Variants in CWC25 observed in about 807,000 individuals in gnomAD.
CWC25 encodes CWC25 spliceosome associated protein, also known as pre-mRNA-splicing factor CWC25 homolog.
Under a neutral mutation model 54.6 loss-of-function variants are expected in CWC25, and 31 were observed. That is an observed-to-expected ratio of 0.57 (90% CI 0.43 to 0.77). The LOEUF (loss-of-function observed/expected upper bound fraction) is 0.77, where lower values mean the gene tolerates loss of function less well. Among genes scored for constraint, CWC25 ranks in the 30% least tolerant of loss-of-function variants. The pLI, the probability that CWC25 is intolerant of heterozygous loss-of-function variation, is 0.00. For missense variants in CWC25, 453 were observed against 529.3 expected (o/e 0.86, Z 1.41); for synonymous variants, 151 against 187.0 (o/e 0.81, Z 1.57).
At chr17:38,805,100 T>TC (rs1911178837) in intron 8 of CWC25, among the ~76,000 whole-genome samples, 1 of 122,758 alleles carries the variant, frequency 8.1e-6, no homozygotes, top group Non-Finnish European at 1.7e-5. Flanking sequence ...AGAATGAAAC[T>TC]CCATCTCAGA....
chr17:38,803,562 G>A (rs190760166), intron 8 of CWC25, among the ~76,000 whole-genome samples: 3 of 152,056 alleles, frequency 2.0e-5, no homozygotes, highest in African/African-American at 4.8e-5. Flanking sequence ...CCGAGGAGGC[G>A]GAGGTTGCAG....
chr17:38,809,935 A>G (rs1911415650), intron 5 of CWC25, 170 bp from the exon 6 acceptor site: 1 of 588,848 alleles, frequency 1.7e-6, no homozygotes, highest in Non-Finnish European at 2.9e-6. Context: ...AAAATGCATC[A>G]GCACAATCAA....
rs186107653 is a variant in CWC25 at position 38,806,279 on chromosome 17, A to G, written c.1001+18T>C. On this transcript the variant is annotated intron_variant, in intron 8 of 9. Transcript: ENST00000614790. ...CAGGCCTGCAAAATGTGGTTAATCA[A>G]CTGGGCTCCTGACTCACCTGGTGTA... The G allele has an allele frequency of 4.4e-4, 702 of 1,596,888 alleles. 5 individuals are homozygous for G. In the East Asian group the frequency reaches 0.01, roughly 23 times the overall value.
intron 4 of CWC25, among the ~76,000 whole-genome samples, chr17:38,812,031 C>T (rs1003075055): frequency 1.3e-5 from 2 of 151,820 alleles, no homozygotes; most frequent in South Asian, 2.1e-4. Flanking sequence ...CTCCATCTCC[C>T]GGGTTCAAGC....
chr17:38,806,319 G>C lies in CWC25; in HGVS notation c.979C>G (p.Arg327Gly), dbSNP rs201865422. Residue 327 changes from arginine to glycine, a missense_variant, in exon 8 of 10, where the codon CGA becomes GGA. Around this residue, in one of 2 missense-constraint regions of CWC25, gnomAD observed 444 missense variants for 499.2 expected, o/e 0.89. Transcript: ENST00000614790. ...PSPKKEVYQR[R>G]HAPGYTRKLS... The stretch of plus-strand genomic sequence containing the variant: ...CACCTGGTGTATCCGGGAGCATGTC[G>C]CCTTTGGTAGACCTCTTTTTTAGGT... 21 of 1,612,686 alleles carry C rather than the reference G, an allele frequency of 1.3e-5. No homozygotes were observed. Among genetic ancestry groups the C allele is most frequent in the Non-Finnish European group, 1.8e-5 (21 of 1,179,400 alleles).
intron 1 of CWC25, among the ~76,000 whole-genome samples, chr17:38,824,494 C>T (rs1912060101): frequency 6.6e-6 from 1 of 151,964 alleles, no homozygotes; most frequent in African/African-American, 2.4e-5. Context: ...CGAGACCAGC[C>T]TGACCAACAT....
rs189722352 is a variant in CWC25 at position 38,823,348 on chromosome 17, C to T, written c.18+1818G>A. ...CTAATTTTTGTATTTTTAGTAGAGA[C>T]GGGGTTTCACCATCTTGGCCAAGCT... On this transcript the variant is annotated intron_variant, in intron 1 of 9. Coordinates refer to ENST00000614790, the MANE Select transcript of CWC25 (RefSeq NM_017748.5). Among the ~76,000 whole-genome samples, 164 of 151,050 alleles carry T rather than the reference C, an allele frequency of 1.1e-3. 1 individual carries two copies. Among genetic ancestry groups the T allele is most frequent in the South Asian group, 6.5e-3 (31 of 4,784 alleles).
chr17:38,803,886 A>AT (rs1467876280), intron 8 of CWC25, among the ~76,000 whole-genome samples: 1 of 151,172 alleles, frequency 6.6e-6, no homozygotes, highest in Non-Finnish European at 1.5e-5. Context: ...CAAAAAAAAA[A>AT]TTTTTTTTTA....
Position 38,814,987 on chromosome 17 carries a change from T to A in CWC25, c.302A>T (p.Glu101Val). The A allele has an allele frequency of 6.2e-7, 1 of 1,613,818 alleles. No homozygotes were observed. The highest frequency in any genetic ancestry group is 8.5e-7 in the Non-Finnish European group (1 of 1,179,878). ...PIDKYVFEKM[E>V]EKEAGCSSET... Reference sequence around the variant, plus strand: ...AGAAGAGCAGCCTGCCTCCTTCTCCTCCATCTTCTCAAAAACATATTTGTC... The same window carrying A: ...AGAAGAGCAGCCTGCCTCCTTCTCCACCATCTTCTCAAAAACATATTTGTC... The change falls in exon 3 of 10, where the codon GAG becomes GTG. Residue 101 changes from glutamate to valine, a missense_variant. Around this residue, in one of 2 missense-constraint regions of CWC25, gnomAD observed 444 missense variants for 499.2 expected, o/e 0.89. Coordinates refer to ENST00000614790, the MANE Select transcript of CWC25 (RefSeq NM_017748.5).
In CWC25 at chr17:38,815,170, G is replaced by A. The variant is rs190212066; in HGVS notation, c.192-73C>T. 1.0e-3 allele frequency: 1,369 copies of A among 1,314,144 alleles called. 2 individuals are homozygous for A. The highest frequency in any genetic ancestry group is 1.3e-3 in the Non-Finnish European group (1,248 of 935,784). 81.4% of individuals were successfully genotyped at this position (1,314,144 alleles called of 1,614,324 possible). ...TTCTGCAAACCTACACCTAAAACCT[G>A]GACACAAGGGAGAGAGAACCACAGC... On this transcript the variant is annotated intron_variant, in intron 2 of 9. Transcript: ENST00000614790.
At chr17:38,813,229 G>A (rs796343155) in intron 3 of CWC25, among the ~76,000 whole-genome samples, 59 of 151,812 alleles carry the variant, frequency 3.9e-4, no homozygotes, top group African/African-American at 1.4e-3. Flanking sequence ...TGGGAGGCTG[G>A]GGCAGGCGGA....
At chr17:38,817,715 A>G (rs1911757924) in intron 2 of CWC25, among the ~76,000 whole-genome samples, 1 of 152,216 alleles carries the variant, frequency 6.6e-6, no homozygotes, top group African/African-American at 2.4e-5. Context: ...TGAACTCAAG[A>G]GGCGGAGGTT....
chr17:38,813,529 C>A (rs1035904294), intron 3 of CWC25, among the ~76,000 whole-genome samples: 1 of 125,824 alleles, frequency 7.9e-6, no homozygotes, highest in Admixed American at 8.5e-5. Flanking sequence ...AAATCTCTCA[C>A]AAATATAAGA....
chr17:38,825,302 G>C lies in CWC25; in HGVS notation c.-119C>G. The C allele has an allele frequency of 9.2e-7, 1 of 1,087,190 alleles. No individual in the cohort carries two copies. 67.3% of individuals were successfully genotyped at this position (1,087,190 alleles called of 1,614,324 possible). A position where few individuals can be genotyped will look rare whatever the true frequency, so the allele number is the denominator to read the frequency against. On this transcript the variant is annotated 5_prime_UTR_variant, in exon 1 of 10. Transcript: ENST00000614790. ...GATCTAGTCCCAGGAGCCGTCAACT[G>C]CCAGTTTCACCACCGCTCTAGAGGT...
chr17:38,814,007 G>A (rs191185086), intron 3 of CWC25, among the ~76,000 whole-genome samples: 1,643 of 151,406 alleles, frequency 0.011, 36 homozygotes, highest in African/African-American at 0.038. Flanking sequence ...GACTATAGGC[G>A]CCTGCCACCA....
At chr17:38,802,948 C>G in intron 8 of CWC25, 87 bp from the exon 9 acceptor site, 1 of 1,493,770 alleles carries the variant, frequency 6.7e-7, no homozygotes, top group Non-Finnish European at 9.2e-7. Context: ...AGGTGGGACC[C>G]CAAGCTCTCC....
intron 1 of CWC25, among the ~76,000 whole-genome samples, chr17:38,821,787 T>G (rs1462546894): frequency 6.6e-6 from 1 of 152,014 alleles, no homozygotes; most frequent in African/African-American, 2.4e-5. Flanking sequence ...CATTCTTTTT[T>G]TTTTTTTTTT....
intron 2 of CWC25, among the ~76,000 whole-genome samples, chr17:38,820,146 A>C (rs897890951): frequency 2.0e-5 from 3 of 152,058 alleles, no homozygotes; most frequent in Non-Finnish European, 4.4e-5. Context: ...CATTACCCAG[A>C]CTGGTCTCAA....
intron 8 of CWC25, 49 bp downstream of exon 8, chr17:38,806,248 T>C: frequency 1.3e-6 from 2 of 1,484,570 alleles, no homozygotes; most frequent in Non-Finnish European, 1.9e-6. Context: ...GAGCCCCTTC[T>C]AGATTCAGGC....
Sources: allele counts gnomAD v4.1 joint callset (sites outside exome capture counted in the v4.1 genomes callset), GRCh38; gene constraint gnomAD v4.1.1; regional missense constraint gnomAD v4.1.1; transcripts MANE v1.5; gene names NCBI Gene and HGNC (gene_info 2026-07-23, HGNC 2026-07-21).